KALRN: variants seen among roughly 807,000 people sequenced by gnomAD.
The protein encoded by KALRN is kalirin.
Under a neutral mutation model 353.7 loss-of-function variants are expected in KALRN, and 70 were observed. The observed-to-expected ratio is 0.20, with a 90% CI of 0.16 to 0.24. The LOEUF (loss-of-function observed/expected upper bound fraction) is 0.24, where lower values mean the gene tolerates loss of function less well. Ranked by LOEUF, KALRN falls within the 10% of genes least tolerant of loss-of-function variation. The pLI is 1.00. For missense variants in KALRN, 2,791 were observed against 3,756.7 expected, an observed-to-expected ratio of 0.74 and a Z score of 6.72; for synonymous variants, 1,391 against 1,434.8, an observed-to-expected ratio of 0.97 and a Z score of 0.69.
At chr3:124,158,129 G>A (rs1398564200) in intron 1 of KALRN, among the ~76,000 whole-genome samples, 2 of 152,202 alleles carry the variant, frequency 1.3e-5, no homozygotes, top group African/African-American at 4.8e-5. Flanking sequence ...CACACTCAGG[G>A]TTTGTTTCTG....
At chr3:124,593,861 C>T (rs1157023220) in intron 34 of KALRN, among the ~76,000 whole-genome samples, 2 of 152,144 alleles carry the variant, frequency 1.3e-5, no homozygotes, top group Non-Finnish European at 2.9e-5. Context: ...TACCCTCTCC[C>T]GCCACATTCC....
At chr3:124,547,653 G>A (rs1291732455) in intron 33 of KALRN, among the ~76,000 whole-genome samples, 1 of 152,076 alleles carries the variant, frequency 6.6e-6, no homozygotes, top group Non-Finnish European at 1.5e-5. Flanking sequence ...TATATTGCCT[G>A]TAGCTAAAGT....
chr3:124,660,781 C>A (rs905513975), intron 43 of KALRN, 142 bp from the exon 44 acceptor site: 18 of 567,632 alleles, frequency 3.2e-5, no homozygotes, highest in African/African-American at 3.1e-4. Flanking sequence ...AATTTCATTT[C>A]TCAGCTACTC....
chr3:124,531,553 G>C (rs373599329), intron 33 of KALRN, among the ~76,000 whole-genome samples: 108 of 152,304 alleles, frequency 7.1e-4, no homozygotes, highest in African/African-American at 2.6e-3. Context: ...TCCACAGGCT[G>C]TACAGCAAAC....
chr3:124,185,907 G>A (rs1461747730), intron 1 of KALRN, among the ~76,000 whole-genome samples: 1 of 152,188 alleles, frequency 6.6e-6, no homozygotes, highest in Non-Finnish European at 1.5e-5. Flanking sequence ...AGTGCAACAG[G>A]CAGGTGCTGG....
intron 1 of KALRN, among the ~76,000 whole-genome samples, chr3:124,091,293 A>C (rs1288140576): frequency 2.0e-5 from 3 of 152,176 alleles, no homozygotes; most frequent in Non-Finnish European, 2.9e-5. Flanking sequence ...TTTGGTTTGC[A>C]GATACCAGCA....
intron 5 of KALRN, among the ~76,000 whole-genome samples, chr3:124,270,079 G>A (rs762911576): frequency 1.3e-4 from 20 of 152,248 alleles, no homozygotes; most frequent in Non-Finnish European, 2.4e-4. Context: ...AGGATACAAA[G>A]GTATCTTTCC....
At chr3:124,550,263 A>G (rs2070308962) in intron 33 of KALRN, among the ~76,000 whole-genome samples, 1 of 152,202 alleles carries the variant, frequency 6.6e-6, no homozygotes, top group Non-Finnish European at 1.5e-5. Context: ...CAGGTAGTTC[A>G]TCTGGGCTGA....
chr3:124,468,001 G>A lies in KALRN; in HGVS notation c.4031+5368G>A, dbSNP rs564242394. ...AGGTAGGTAGATCCATCTGCGGAAAGAGGCCCTAGGGAAAGGGGAGGGGAT... is the reference window on the plus strand; with the variant it reads ...AGGTAGGTAGATCCATCTGCGGAAAAAGGCCCTAGGGAAAGGGGAGGGGAT... On this transcript the variant is annotated intron_variant, in intron 25 of 59. Coordinates refer to ENST00000682506, the MANE Select transcript of KALRN (RefSeq NM_001388419.1). Among the ~76,000 whole-genome samples, 6 of 152,116 alleles carry A rather than the reference G, an allele frequency of 3.9e-5. No individual in the cohort carries two copies. In the South Asian group the frequency reaches 1.3e-3, roughly 32 times the overall value.
At chr3:124,417,961 C>A (rs1456674684) in intron 14 of KALRN, among the ~76,000 whole-genome samples, 1 of 152,214 alleles carries the variant, frequency 6.6e-6, no homozygotes, top group African/African-American at 2.4e-5. Context: ...CAAATTCTTT[C>A]TTCCCTCTTT....
At chr3:124,042,253 T>A (rs1301022271) in intron 1 of KALRN, among the ~76,000 whole-genome samples, 1 of 152,126 alleles carries the variant, frequency 6.6e-6, no homozygotes, top group Non-Finnish European at 1.5e-5. Context: ...ACTCAGGAGG[T>A]GGCAACCAGG....
intron 34 of KALRN, among the ~76,000 whole-genome samples, chr3:124,574,943 C>T (rs759383545): frequency 6.6e-6 from 1 of 152,222 alleles, no homozygotes; most frequent in African/African-American, 2.4e-5. Flanking sequence ...GCACCCTCCT[C>T]TCACCGCCAC....
intron 11 of KALRN, among the ~76,000 whole-genome samples, chr3:124,386,233 C>T (rs1275959763): frequency 6.6e-6 from 1 of 152,164 alleles, no homozygotes; most frequent in Non-Finnish European, 1.5e-5. Flanking sequence ...AGGGGATTAG[C>T]ATTAATCCAG....
At chr3:124,057,257 G>A (rs2041633964) in intron 1 of KALRN, among the ~76,000 whole-genome samples, 2 of 152,120 alleles carry the variant, frequency 1.3e-5, no homozygotes, top group South Asian at 2.1e-4. Context: ...CTGTCTTCAG[G>A]TATGAGTACA....
intron 1 of KALRN, among the ~76,000 whole-genome samples, chr3:124,069,860 G>A (rs1318695913): frequency 1.3e-5 from 2 of 152,126 alleles, no homozygotes; most frequent in Non-Finnish European, 2.9e-5. Context: ...AGGCCTGGAA[G>A]GATGAATTTG....
chr3:124,491,456 G>C, intron 31 of KALRN, 32 bp downstream of exon 31: 1 of 1,493,078 alleles, frequency 6.7e-7, no homozygotes, highest in Non-Finnish European at 9.1e-7. Context: ...GCACAAACTA[G>C]GGTTGGGGAT....
At chr3:124,666,052 C>G (rs561433464) in intron 45 of KALRN, among the ~76,000 whole-genome samples, 1 of 152,264 alleles carries the variant, frequency 6.6e-6, no homozygotes, top group African/African-American at 2.4e-5. Context: ...AGGCAGGCAC[C>G]GTTCTCAGAG....
chr3:124,042,565 G>T (rs1371478652), intron 1 of KALRN, among the ~76,000 whole-genome samples: 3 of 152,096 alleles, frequency 2.0e-5, no homozygotes, highest in African/African-American at 7.2e-5. Context: ...GAGTCTATAG[G>T]GCCTGGCATC....
chr3:124,157,646 G>A (rs140266294), intron 1 of KALRN, among the ~76,000 whole-genome samples: 2 of 152,248 alleles, frequency 1.3e-5, no homozygotes, highest in East Asian at 1.9e-4. Flanking sequence ...ATCCCTTTCC[G>A]AAATAAGGGG....
Sources: allele counts gnomAD v4.1 joint callset (sites outside exome capture counted in the v4.1 genomes callset), GRCh38; gene constraint gnomAD v4.1.1; transcripts MANE v1.5; gene names NCBI Gene and HGNC (gene_info 2026-07-23, HGNC 2026-07-21).